The following GTF2IRD1 variants were observed in gnomAD, a reference collection of about 807,000 sequenced individuals.
The protein encoded by GTF2IRD1 is general transcription factor II-I repeat domain-containing protein 1.
In GTF2IRD1, 26 loss-of-function variants were observed where a neutral mutation model predicts 113.2. The ratio of observed to expected loss-of-function variants is 0.23; its 90% CI spans 0.17 to 0.32. The LOEUF is 0.32. GTF2IRD1 is among the 10% of genes least tolerant of loss of function. The pLI, the probability that GTF2IRD1 is intolerant of heterozygous loss-of-function variation, is 1.00. For synonymous variants in GTF2IRD1, 484 were observed against 529.1 expected, an observed-to-expected ratio of 0.91 and a Z score of 1.17; for missense variants, 864 against 1,280.8, an observed-to-expected ratio of 0.67 and a Z score of 4.97.
At position 74,478,323 on chromosome 7, in the gene GTF2IRD1, G is replaced by A. The variant is rs552046928; in HGVS notation, c.-7+24147G>A. ...CCGTCATCACTGCTGTTAAGTGAGC[G>A]GGCACTTGGTGTCCCCAGGCCCAGC... On this transcript the variant is annotated intron_variant, in intron 1 of 26. Transcript: ENST00000424337. 3.6e-3 allele frequency among the ~76,000 whole-genome samples: 551 copies of A among 152,304 alleles called. 1 individual carries two copies. The highest frequency in any genetic ancestry group is 6.0e-3 in the Non-Finnish European group (405 of 68,030).
At position 74,602,201 on chromosome 7, in the gene GTF2IRD1, C is replaced by G. The variant is rs982744356; in HGVS notation, c.2767-164C>G. The stretch of plus-strand genomic sequence containing the variant: ...AGGTTGCAGTGAGCCGAGATTGCAT[C>G]ACTGCACTCCAGCCTGGGCAGAAGA... On this transcript the variant is annotated intron_variant, in intron 26 of 26. Coordinates refer to ENST00000424337, the MANE Select transcript of GTF2IRD1 (RefSeq NM_005685.4). 6 of 718,362 alleles carry G rather than the reference C, an allele frequency of 8.4e-6. No individual in the cohort carries two copies. The Admixed American group carries it at 1.5e-4, about 17-fold the overall frequency. The allele number at this position is 718,362 out of a possible 1,614,324, so 44.5% of individuals were successfully genotyped here.
Position 74,519,447 on chromosome 7 carries a change from T to G in GTF2IRD1, c.644T>G (p.Val215Gly). The G allele has an allele frequency of 1.3e-6, 2 of 1,562,178 alleles. No individual in the cohort carries two copies. The highest frequency in any genetic ancestry group is 1.7e-6 in the Non-Finnish European group (2 of 1,154,936). ...EDGGRDSKAL[V>G]ELNGVSLIPK... is the part of the protein sequence containing the mutation. ...GGCGGGCGGGACTCGAAGGCCCTGG[T>G]GGAGCTGAACGGTGTCTCCCTGATT... The change falls in exon 6 of 27, where the codon GTG (valine) becomes GGG (glycine). Residue 215 changes from valine to glycine, a missense_variant. Physicochemically the swap from Val to Gly is moderately radical, Grantham distance 109 (BLOSUM62 -3). Around this residue, in one of 7 missense-constraint regions of GTF2IRD1, gnomAD observed 195 missense variants for 196.6 expected, o/e 0.99. Coordinates refer to ENST00000424337, the MANE Select transcript of GTF2IRD1 (RefSeq NM_005685.4).
chr7:74,555,363 T>A lies in GTF2IRD1; in HGVS notation c.1967-75T>A. 6.5e-7 allele frequency: 1 copy of A among 1,537,218 alleles called. No individual in the cohort carries two copies. Among genetic ancestry groups the A allele is most frequent in the Non-Finnish European group, 9.0e-7 (1 of 1,110,322 alleles). ...TTCTCCCCACACCCCCACATTGGGT[T>A]TCCCCTAACGATGCCATCTTGGGTC... On this transcript the variant is annotated intron_variant, in intron 18 of 26. Coordinates refer to ENST00000424337, the MANE Select transcript of GTF2IRD1 (RefSeq NM_005685.4). The surrounding 1 kb of genome is among the most constrained non-coding windows in gnomAD (Gnocchi z 5.3).
chr7:74,511,905 G>A (rs1190559418), intron 2 of GTF2IRD1, among the ~76,000 whole-genome samples: 2 of 152,182 alleles, frequency 1.3e-5, no homozygotes, highest in Non-Finnish European at 2.9e-5. Context: ...CTATGGGGCT[G>A]CAGACCTCGA....
At chr7:74,558,729 T>G in intron 20 of GTF2IRD1, 132 bp from the exon 21 acceptor site, 2 of 646,176 alleles carry the variant, frequency 3.1e-6, no homozygotes, top group Non-Finnish European at 5.3e-6. Context: ...AGTGCTACAC[T>G]ACATAAGAGC....
chr7:74,495,010 C>T (rs1554337542), intron 1 of GTF2IRD1, among the ~76,000 whole-genome samples: 1 of 152,220 alleles, frequency 6.6e-6, no homozygotes, highest in Non-Finnish European at 1.5e-5. Flanking sequence ...CTGCCTCAGC[C>T]TCTCAAAGTG....
At chr7:74,601,461 A>G in intron 26 of GTF2IRD1, 1 of 1,445,150 alleles carries the variant, frequency 6.9e-7, no homozygotes, top group Non-Finnish European at 9.1e-7. Context: ...CTTCAGCCGC[A>G]CCAGAGCTGG....
intron 22 of GTF2IRD1, among the ~76,000 whole-genome samples, chr7:74,580,996 G>A (rs1223929411): frequency 3.3e-5 from 5 of 152,116 alleles, no homozygotes; most frequent in Admixed American, 2.0e-4. Flanking sequence ...TTGGTGTTCC[G>A]GACGGTAAAC....
chr7:74,489,737 G>T (rs1265422813), intron 1 of GTF2IRD1, among the ~76,000 whole-genome samples: 22 of 152,168 alleles, frequency 1.4e-4, no homozygotes, highest in Non-Finnish European at 1.5e-4. Flanking sequence ...CCTTACACCT[G>T]TCCCAGCTAG....
intron 22 of GTF2IRD1, among the ~76,000 whole-genome samples, chr7:74,583,375 T>C (rs1423828127): frequency 6.1e-5 from 9 of 147,710 alleles, no homozygotes; most frequent in Non-Finnish European, 1.1e-4. Context: ...TTTTTTCTTT[T>C]TTTTTTTTTT....
At chr7:74,582,528 G>T (rs1363831860) in intron 22 of GTF2IRD1, among the ~76,000 whole-genome samples, 1 of 152,168 alleles carries the variant, frequency 6.6e-6, no homozygotes, top group Non-Finnish European at 1.5e-5. Context: ...CAAAGTGCTG[G>T]GATGACAGGC....
intron 10 of GTF2IRD1, among the ~76,000 whole-genome samples, chr7:74,535,466 A>G (rs1554350004): frequency 6.6e-6 from 1 of 152,102 alleles, no homozygotes; most frequent in Admixed American, 6.6e-5. Context: ...TGATTCCAAC[A>G]ATCCTATGAA....
intron 1 of GTF2IRD1, among the ~76,000 whole-genome samples, chr7:74,485,620 GA>G (rs200613636): frequency 9.3e-4 from 124 of 133,322 alleles, no homozygotes; most frequent in South Asian, 1.2e-3. Context: ...CCATCTCAAA[GA>G]AAAAAAAAAA....
chr7:74,538,063 C>T, intron 11 of GTF2IRD1, 73 bp from the exon 12 acceptor site: 1 of 1,508,970 alleles, frequency 6.6e-7, no homozygotes, highest in East Asian at 2.3e-5. Context: ...CCCTGACTGC[C>T]TGGAGGGGCA....
At chr7:74,526,062 C>T (rs1797577267) in intron 8 of GTF2IRD1, among the ~76,000 whole-genome samples, 1 of 152,216 alleles carries the variant, frequency 6.6e-6, no homozygotes, top group South Asian at 2.1e-4. Context: ...CTGTCTGCAC[C>T]TGCCCCTGAG....
intron 22 of GTF2IRD1, among the ~76,000 whole-genome samples, chr7:74,585,580 T>C (rs1801674267): frequency 6.6e-6 from 1 of 152,064 alleles, no homozygotes; most frequent in Non-Finnish European, 1.5e-5. Context: ...AAGCCTTCTT[T>C]CTACAGCTAC....
In GTF2IRD1 at chr7:74,544,740, TC is replaced by T. The variant is rs1562855498; in HGVS notation, c.1619-14del. 1.1e-5 allele frequency: 17 copies of T among 1,613,250 alleles called. No individual in the cohort carries two copies. Among genetic ancestry groups the T allele is most frequent in the Non-Finnish European group, 1.4e-5 (17 of 1,179,590 alleles). ...TGATGAATGTGGCTTCCCGGCATCC[TC>T]TGTTCTCTTTTAGACAAAGGTCTGA... On this transcript the variant is annotated splice_polypyrimidine_tract_variant and intron_variant, in intron 14 of 26. Coordinates refer to ENST00000424337, the MANE Select transcript of GTF2IRD1 (RefSeq NM_005685.4).
At chr7:74,550,341 A>G (rs1799232399) in intron 17 of GTF2IRD1, among the ~76,000 whole-genome samples, 1 of 152,120 alleles carries the variant, frequency 6.6e-6, no homozygotes, top group African/African-American at 2.4e-5. Context: ...GCTCTACTAT[A>G]TACATGTATA....
chr7:74,517,182 C>A (rs1796984302), intron 4 of GTF2IRD1, among the ~76,000 whole-genome samples: 2 of 151,886 alleles, frequency 1.3e-5, no homozygotes, highest in Admixed American at 1.3e-4. Context: ...TGCCACCACA[C>A]CTGGATAATT....
Sources: gnomAD v4.1 joint callset for allele counts (sites outside exome capture counted in the v4.1 genomes callset) on GRCh38, gnomAD v4.1.1 for gene constraint, gnomAD v4.1.1 regional missense constraint, Gnocchi (gnomAD v3.1) non-coding constraint, MANE v1.5 for transcripts, NCBI Gene and HGNC (gene_info 2026-07-23, HGNC 2026-07-21) for gene names.